Variants in AHCTF1 observed in about 807,000 individuals in gnomAD.
AHCTF1 encodes protein ELYS.
Under a neutral mutation model 248.4 loss-of-function variants are expected in AHCTF1, and 24 were observed. That is an observed-to-expected ratio of 0.10 (90% CI 0.07 to 0.14). AHCTF1 has a LOEUF of 0.14. AHCTF1 is among the 10% of genes least tolerant of loss of function. The pLI, the probability that AHCTF1 is intolerant of heterozygous loss-of-function variation, is 1.00. For synonymous variants in AHCTF1, 786 were observed against 929.8 expected, an observed-to-expected ratio of 0.85 and a Z score of 2.81; for missense variants, 2,206 against 2,636.2, an observed-to-expected ratio of 0.84 and a Z score of 3.57.
intron 4 of AHCTF1, among the ~76,000 whole-genome samples, chr1:246,912,290 T>C (rs1210456258): frequency 6.6e-6 from 1 of 151,050 alleles, no homozygotes; most frequent in Non-Finnish European, 1.5e-5. Context: ...TCCTGGCCAA[T>C]ATGGTGAAAC....
intron 8 of AHCTF1, 80 bp downstream of exon 8, chr1:246,902,445 G>A (rs2103177172): frequency 2.0e-6 from 3 of 1,509,312 alleles, no homozygotes; most frequent in Admixed American, 1.9e-5. Context: ...ACTGCCAGGA[G>A]TATGAAATCT....
intron 1 of AHCTF1, among the ~76,000 whole-genome samples, chr1:246,919,462 C>A (rs1666368062): frequency 1.3e-5 from 2 of 152,036 alleles, no homozygotes; most frequent in South Asian, 4.1e-4. Context: ...GCCTGTAATC[C>A]CAGCACTTTG....
chr1:246,914,693 A>C (rs926108515), intron 3 of AHCTF1, among the ~76,000 whole-genome samples: 1 of 152,154 alleles, frequency 6.6e-6, no homozygotes, highest in African/African-American at 2.4e-5. Flanking sequence ...CCCTACCCAA[A>C]AAACAGCTAG....
chr1:246,857,358 A>G (rs1661179855), intron 30 of AHCTF1, among the ~76,000 whole-genome samples: 1 of 152,216 alleles, frequency 6.6e-6, no homozygotes, highest in Non-Finnish European at 1.5e-5. Flanking sequence ...GTCTACCTAC[A>G]AGAGTCTTGT....
chr1:246,904,277 A>C (rs1025909024), intron 6 of AHCTF1, among the ~76,000 whole-genome samples: 2 of 152,230 alleles, frequency 1.3e-5, no homozygotes, highest in Admixed American at 1.3e-4. Context: ...TATCTTATGT[A>C]GCAAAGACTG....
chr1:246,842,574 T>C (rs1257128008), intron 35 of AHCTF1, 120 bp downstream of exon 35: 1 of 725,816 alleles, frequency 1.4e-6, no homozygotes, highest in African/African-American at 1.9e-5. Flanking sequence ...AGACCGAGAC[T>C]CTGTCTCAAA....
intron 5 of AHCTF1, 97 bp downstream of exon 5, chr1:246,907,454 T>C: frequency 9.1e-7 from 1 of 1,100,562 alleles, no homozygotes; most frequent in Non-Finnish European, 1.3e-6. Context: ...TACCCACCCT[T>C]TTCTCACTAT....
chr1:246,925,824 C>T (rs1295493670), intron 1 of AHCTF1, among the ~76,000 whole-genome samples: 1 of 151,960 alleles, frequency 6.6e-6, no homozygotes, highest in Non-Finnish European at 1.5e-5. Context: ...GCTCCCAGCA[C>T]TTTGGGAGGC....
At chr1:246,929,009 A>G (rs921183336) in intron 1 of AHCTF1, among the ~76,000 whole-genome samples, 2 of 152,184 alleles carry the variant, frequency 1.3e-5, no homozygotes, top group Non-Finnish European at 2.9e-5. Flanking sequence ...AGAAAAGGAG[A>G]TATATAGTCA....
Position 246,862,166 on chromosome 1 carries a change from G to A in AHCTF1, c.3541-13C>T. The A allele has an allele frequency of 6.2e-7, 1 of 1,602,754 alleles. No individual in the cohort carries two copies. Among genetic ancestry groups the A allele is most frequent in the South Asian group, 1.1e-5 (1 of 89,508 alleles). On this transcript the variant is annotated splice_polypyrimidine_tract_variant and intron_variant, in intron 27 of 35. Transcript: ENST00000648844. The stretch of plus-strand genomic sequence containing the variant: ...AACTTTTAGCTTTCTATAGTAAAGA[G>A]CAAATGGAATTACACCATTAAAAGT...
rs150987118 is a variant in AHCTF1 at position 246,869,910 on chromosome 1, C to CAGAT, written c.3089-2103_3089-2100dup. On this transcript the variant is annotated intron_variant, in intron 24 of 35. Coordinates refer to ENST00000648844, the MANE Select transcript of AHCTF1 (RefSeq NM_001323342.2). ...ACATTTCATAAAGCTATAGCTGTCACAGATAGTGATTCCTCTGAGAGATCC... is the reference window on the plus strand; with the variant it reads ...ACATTTCATAAAGCTATAGCTGTCACAGATAGATAGTGATTCCTCTGAGAGATCC... Among the ~76,000 whole-genome samples, 913 of 152,248 alleles carry CAGAT rather than the reference C, an allele frequency of 6.0e-3. 7 individuals are homozygous for CAGAT. The highest frequency in any genetic ancestry group is 7.9e-3 in the Non-Finnish European group (535 of 68,004).
intron 16 of AHCTF1, among the ~76,000 whole-genome samples, chr1:246,890,705 G>A (rs1664154465): frequency 6.6e-6 from 1 of 152,070 alleles, no homozygotes; most frequent in South Asian, 2.1e-4. Context: ...CAGGAGCTAT[G>A]TTTTCTCAAA....
intron 6 of AHCTF1, 147 bp downstream of exon 6, chr1:246,905,394 A>G: frequency 1.0e-5 from 6 of 588,586 alleles, no homozygotes; most frequent in Non-Finnish European, 1.9e-5. Flanking sequence ...GCTACTCGGG[A>G]GGCTGAGCGA....
intron 24 of AHCTF1, among the ~76,000 whole-genome samples, chr1:246,868,791 G>C (rs1345195481): frequency 6.6e-6 from 1 of 151,398 alleles, no homozygotes; most frequent in African/African-American, 2.4e-5. Context: ...CGTGATGAAT[G>C]AGTACAGGTC....
At chr1:246,918,651 G>C (rs1357745794) in intron 1 of AHCTF1, among the ~76,000 whole-genome samples, 2 of 152,236 alleles carry the variant, frequency 1.3e-5, no homozygotes, top group Non-Finnish European at 2.9e-5. Flanking sequence ...ATGGGCGACA[G>C]AGCAAAATCC....
intron 2 of AHCTF1, 135 bp downstream of exon 2, chr1:246,918,115 T>C: frequency 1.4e-6 from 1 of 693,064 alleles, no homozygotes; most frequent in Non-Finnish European, 2.1e-6. Context: ...TATATGTAAC[T>C]GTAGATGTTA....
At chr1:246,902,832 A>G (rs889634523) in intron 7 of AHCTF1, among the ~76,000 whole-genome samples, 157 bp from the exon 8 acceptor site, 1 of 152,262 alleles carries the variant, frequency 6.6e-6, no homozygotes, top group African/African-American at 2.4e-5. Context: ...AAAATTTTAC[A>G]TACTTTAAAA....
At chr1:246,885,408 T>A in intron 21 of AHCTF1, 85 bp downstream of exon 21, 1 of 1,172,534 alleles carries the variant, frequency 8.5e-7, no homozygotes, top group East Asian at 2.5e-5. Flanking sequence ...TAACGGCCAA[T>A]TGTATATTGC....
At chr1:246,865,525 T>C (rs1661910869) in intron 26 of AHCTF1, among the ~76,000 whole-genome samples, 2 of 152,220 alleles carry the variant, frequency 1.3e-5, no homozygotes, top group African/African-American at 4.8e-5. Flanking sequence ...CTCTATCTTG[T>C]TTGCATTTAA....
Sources: allele counts gnomAD v4.1 joint callset (sites outside exome capture counted in the v4.1 genomes callset), GRCh38; gene constraint gnomAD v4.1.1; transcripts MANE v1.5; gene names NCBI Gene and HGNC (gene_info 2026-07-23, HGNC 2026-07-21).